The following LHFPL4 variants were observed in gnomAD, a reference collection of about 807,000 sequenced individuals.
LHFPL4 encodes the protein LHFPL tetraspan subfamily member 4 protein.
A neutral mutation model predicts 20.0 loss-of-function variants in LHFPL4; 6 were observed. The observed-to-expected ratio is 0.30, with a 90% CI of 0.16 to 0.59. LHFPL4 has a LOEUF of 0.59. LHFPL4 is among the 20% of genes least tolerant of loss of function. The pLI, the probability that LHFPL4 is intolerant of heterozygous loss-of-function variation, is 0.88. For synonymous variants in LHFPL4, 129 were observed against 143.8 expected, an observed-to-expected ratio of 0.90 and a Z score of 0.74; for missense variants, 215 against 331.2, an observed-to-expected ratio of 0.65 and a Z score of 2.72.
chr3:9,504,681 C>T (rs1419719118), intron 3 of LHFPL4, among the ~76,000 whole-genome samples: 3 of 151,984 alleles, frequency 2.0e-5, no homozygotes, highest in Admixed American at 6.6e-5. Context: ...AAAACTTAGC[C>T]GGGCGTGGTG....
intron 3 of LHFPL4, among the ~76,000 whole-genome samples, chr3:9,505,405 G>A (rs2046210263): frequency 2.0e-5 from 3 of 151,628 alleles, no homozygotes; most frequent in Admixed American, 2.0e-4. Context: ...GAGTAGCTGG[G>A]ACCACAGGCA....
In LHFPL4 at chr3:9,502,267, C is replaced by T; in HGVS notation, c.688G>A (p.Asp230Asn). 5.6e-6 allele frequency: 9 copies of T among 1,614,006 alleles called. No individual in the cohort carries two copies. Among genetic ancestry groups the T allele is most frequent in the Non-Finnish European group, 7.6e-6 (9 of 1,179,942 alleles). Residue 230 changes from aspartate (D) to asparagine (N), a missense_variant, in exon 4 of 4, where the codon GAT (aspartate) becomes AAT (asparagine). Asp to Asn is a conservative substitution (Grantham distance 23, BLOSUM62 1). Coordinates refer to ENST00000287585, the MANE Select transcript of LHFPL4 (RefSeq NM_198560.3). ...TVSSVLRPGG[D>N]VSGWGVLPCP... ...GGAAGGACTCCCCATCCAGAGACAT[C>T]ACCCCCGGGCCGCAACACGGAGCTT...
intron 3 of LHFPL4, 119 bp downstream of exon 3, chr3:9,505,848 C>G (rs1406699810): frequency 9.1e-6 from 9 of 986,630 alleles, no homozygotes; most frequent in Non-Finnish European, 1.4e-5. Flanking sequence ...CGTGAGCCAC[C>G]ACGCCCAGCC....
At chr3:9,538,253 T>C (rs1246191659) in intron 2 of LHFPL4, among the ~76,000 whole-genome samples, 1 of 152,122 alleles carries the variant, frequency 6.6e-6, no homozygotes, top group Non-Finnish European at 1.5e-5. Flanking sequence ...AAGTCATCTT[T>C]CTAAACCCAC....
chr3:9,504,106 C>T (rs1396047795), intron 3 of LHFPL4, among the ~76,000 whole-genome samples: 2 of 152,196 alleles, frequency 1.3e-5, no homozygotes, highest in Admixed American at 1.3e-4. Flanking sequence ...TGTGCTGGCT[C>T]ATGCCTGTAA....
chr3:9,504,834 A>AG (rs1213070535), intron 3 of LHFPL4, among the ~76,000 whole-genome samples: 1 of 151,724 alleles, frequency 6.6e-6, no homozygotes, highest in Non-Finnish European at 1.5e-5. Flanking sequence ...CAAAAAAAAA[A>AG]AAATACTGCC....
Position 9,501,129 on chromosome 3 carries a change from C to A in LHFPL4, c.*1082G>T, listed in dbSNP as rs951567716. On this transcript the variant is annotated 3_prime_UTR_variant, in exon 4 of 4. Coordinates refer to ENST00000287585, the MANE Select transcript of LHFPL4 (RefSeq NM_198560.3). ...GGGTAACAAGGCTTAGGAAGGGGGACAGGGGTACCCTGTTCAGAGATGACC... is the reference window on the plus strand; with the variant it reads ...GGGTAACAAGGCTTAGGAAGGGGGAAAGGGGTACCCTGTTCAGAGATGACC... 16 of 153,210 alleles carry A rather than the reference C, an allele frequency of 1.0e-4. No individual in the cohort carries two copies. The highest frequency in any genetic ancestry group is 3.9e-4 in the African/African-American group (16 of 41,444). 9.5% of individuals were successfully genotyped at this position (153,210 alleles called of 1,614,324 possible).
chr3:9,542,806 C>CG (rs375754946), intron 2 of LHFPL4, among the ~76,000 whole-genome samples: 1 of 78,466 alleles, frequency 1.3e-5, no homozygotes, highest in African/African-American at 4.8e-5. Context: ...GGCCCTATCT[C>CG]AAAAAAAAAA....
rs372799309 is a variant in LHFPL4 at position 9,552,236 on chromosome 3, G to C, written c.406+38C>G. The C allele has an allele frequency of 8.0e-5, 124 of 1,551,024 alleles. No homozygotes were observed. The African/African-American group carries it at 1.4e-3, about 18-fold the overall frequency. On this transcript the variant is annotated intron_variant, in intron 2 of 3. Coordinates refer to ENST00000287585, the MANE Select transcript of LHFPL4 (RefSeq NM_198560.3). ...CTGGCAGGAAGGAGCCCCGTCCCTG[G>C]CGCTTGTTCTGGGAGTTCCGTCCAC...
intron 2 of LHFPL4, among the ~76,000 whole-genome samples, chr3:9,522,234 T>G (rs2046342402): frequency 6.6e-6 from 1 of 151,820 alleles, no homozygotes; most frequent in East Asian, 2.0e-4. Context: ...GACCTCGTGA[T>G]CTGCCCGCCT....
At chr3:9,547,014 G>A (rs1042172541) in intron 2 of LHFPL4, among the ~76,000 whole-genome samples, 4 of 152,082 alleles carry the variant, frequency 2.6e-5, no homozygotes, top group African/African-American at 4.8e-5. Context: ...TTTGAGACAC[G>A]GTCTGGCTCT....
chr3:9,503,297 A>G (rs1268257767), intron 3 of LHFPL4, among the ~76,000 whole-genome samples: 2 of 152,130 alleles, frequency 1.3e-5, no homozygotes, highest in African/African-American at 2.4e-5. Flanking sequence ...GGAGAAGGAC[A>G]CCGAGGGGGC....
intron 2 of LHFPL4, among the ~76,000 whole-genome samples, chr3:9,551,472 G>T (rs769948938): frequency 6.6e-6 from 1 of 152,086 alleles, no homozygotes; most frequent in Non-Finnish European, 1.5e-5. Context: ...GGACTCTAAT[G>T]GATCCTGGAA....
At position 9,502,221 on chromosome 3, in the gene LHFPL4, T is replaced by C; in HGVS notation, c.734A>G (p.Gln245Arg). The part of the protein sequence containing the change: ...GVLPCPVAHS[Q>R]GP The stretch of plus-strand genomic sequence containing the variant: ...TGTGATCCTGGCCTTTCAGGGTCCC[T>C]GTGAGTGAGCCACGGGGCAGGGAAG... Residue 245 changes from glutamine (Q) to arginine (R), a missense_variant, in exon 4 of 4, where the codon CAG becomes CGG. Transcript: ENST00000287585. 2 of 1,613,496 alleles carry C rather than the reference T, an allele frequency of 1.2e-6. No individual in the cohort carries two copies. Among genetic ancestry groups the C allele is most frequent in the Non-Finnish European group, 1.7e-6 (2 of 1,179,484 alleles).
chr3:9,522,216 G>A (rs577307865), intron 2 of LHFPL4, among the ~76,000 whole-genome samples: 9 of 151,432 alleles, frequency 5.9e-5, no homozygotes, highest in South Asian at 2.1e-4. Context: ...GGATGGTCTC[G>A]ATCTCTTGAC....
At position 9,501,951 on chromosome 3, in the gene LHFPL4, G is replaced by T; in HGVS notation, c.*260C>A. On this transcript the variant is annotated 3_prime_UTR_variant, in exon 4 of 4. Transcript: ENST00000287585. ...TCTAGAGAGGAGAGGAGAAGCCCAA[G>T]GGCCTACGCAGATGCAGGCTCCCTT... 2.0e-6 allele frequency: 1 copy of T among 510,924 alleles called. No homozygotes were observed. Among genetic ancestry groups the T allele is most frequent in the Non-Finnish European group, 3.6e-6 (1 of 281,334 alleles). The allele number at this position is 510,924 out of a possible 1,614,324, so 31.6% of individuals were successfully genotyped here. A position where few individuals can be genotyped will look rare whatever the true frequency, so the allele number is the denominator to read the frequency against.
rs2046182063 is a variant in LHFPL4 at position 9,502,248 on chromosome 3, A to T, written c.707T>A (p.Val236Asp). 3 of 1,613,164 alleles carry T rather than the reference A, an allele frequency of 1.9e-6. No homozygotes were observed. The highest frequency in any genetic ancestry group is 2.2e-5 in the South Asian group (2 of 91,050). The change falls in exon 4 of 4, where the codon GTC (valine) becomes GAC (aspartate). Residue 236 changes from valine (V) to aspartate (D), a missense_variant. Val to Asp is a radical substitution (Grantham distance 152). Around this residue, in one of 2 missense-constraint regions of LHFPL4, gnomAD observed 51 missense variants for 44.5 expected, o/e 1.15. Transcript: ENST00000287585. The stretch of plus-strand genomic sequence containing the variant: ...TGAGTGAGCCACGGGGCAGGGAAGG[A>T]CTCCCCATCCAGAGACATCACCCCC... ...RPGGDVSGWGVLPCPVAHSQG... is the reference protein window; with the variant it reads ...RPGGDVSGWGDLPCPVAHSQG...
chr3:9,523,989 C>T (rs970496739), intron 2 of LHFPL4, among the ~76,000 whole-genome samples: 3 of 141,502 alleles, frequency 2.1e-5, no homozygotes, highest in South Asian at 2.5e-4. Flanking sequence ...TATTTCCCCC[C>T]CCCCCAACAC....
rs542290590 is a variant in LHFPL4 at position 9,521,552 on chromosome 3, C to T, written c.407-15349G>A. Among the ~76,000 whole-genome samples, 236 of 152,138 alleles carry T rather than the reference C, an allele frequency of 1.6e-3. 1 individual carries two copies. The highest frequency in any genetic ancestry group is 5.4e-3 in the African/African-American group (222 of 41,436). On this transcript the variant is annotated intron_variant, in intron 2 of 3. Transcript: ENST00000287585. ...AGTAGTTGGGACTACAGGGGCCCGCCACCACGCCCGGCTAATTTTTTTGTA... is the reference window on the plus strand; with the variant it reads ...AGTAGTTGGGACTACAGGGGCCCGCTACCACGCCCGGCTAATTTTTTTGTA...
Sources: gnomAD v4.1 joint callset for allele counts (sites outside exome capture counted in the v4.1 genomes callset) on GRCh38, gnomAD v4.1.1 for gene constraint, gnomAD v4.1.1 regional missense constraint, MANE v1.5 for transcripts, NCBI Gene and HGNC (gene_info 2026-07-23, HGNC 2026-07-21) for gene names.